The following PKNOX2 variants were observed in gnomAD, a reference collection of about 807,000 sequenced individuals.
PKNOX2 encodes homeobox protein PKNOX2.
Under a neutral mutation model 53.1 loss-of-function variants are expected in PKNOX2, and 14 were observed. The ratio of observed to expected loss-of-function variants is 0.26; its 90% CI spans 0.17 to 0.41. PKNOX2 has a LOEUF of 0.41. Among genes scored for constraint, PKNOX2 ranks in the 10% least tolerant of loss-of-function variants. The probability of loss-of-function intolerance (pLI) is 1.00; values close to 1 mark genes in which losing one functional copy is unlikely to be tolerated. For synonymous variants in PKNOX2, 257 were observed against 242.8 expected (o/e 1.06, Z -0.54); for missense variants, 496 against 602.8 (o/e 0.82, Z 1.85).
At chr11:125,255,768 C>T (rs896417078) in intron 2 of PKNOX2, among the ~76,000 whole-genome samples, 4 of 152,022 alleles carry the variant, frequency 2.6e-5, no homozygotes, top group Non-Finnish European at 5.9e-5. Context: ...GTCGCCCTGC[C>T]AAATGAGCAG....
chr11:125,388,454 A>G (rs1313464926), intron 6 of PKNOX2, among the ~76,000 whole-genome samples: 1 of 152,144 alleles, frequency 6.6e-6, no homozygotes, highest in Non-Finnish European at 1.5e-5. Context: ...ATGAGCTGAG[A>G]TAATTGAGAG....
intron 5 of PKNOX2, among the ~76,000 whole-genome samples, chr11:125,382,399 C>T (rs924314502): frequency 2.0e-5 from 3 of 152,232 alleles, no homozygotes; most frequent in Admixed American, 6.5e-5. Context: ...GTGCGGTGAC[C>T]GCAGCTGCCA....
chr11:125,194,259 A>G (rs1230093107), intron 1 of PKNOX2, among the ~76,000 whole-genome samples: 4 of 152,122 alleles, frequency 2.6e-5, no homozygotes, highest in African/African-American at 9.7e-5. Flanking sequence ...CCTTGCTAAG[A>G]GCAGTTGGCA....
chr11:125,266,642 C>T (rs569688826), intron 2 of PKNOX2: 1 of 152,372 alleles, frequency 6.6e-6, no homozygotes, highest in African/African-American at 2.4e-5. Flanking sequence ...CTCCTTACCT[C>T]CTCGTTCCTG....
At chr11:125,296,517 A>T (rs1284479846) in intron 2 of PKNOX2, among the ~76,000 whole-genome samples, 2 of 152,094 alleles carry the variant, frequency 1.3e-5, no homozygotes, top group Non-Finnish European at 2.9e-5. Context: ...ACTACCTTAC[A>T]TGAAAGAGTG....
chr11:125,221,879 C>T (rs1941187723), intron 1 of PKNOX2, among the ~76,000 whole-genome samples: 1 of 152,186 alleles, frequency 6.6e-6, no homozygotes, highest in Admixed American at 6.5e-5. Context: ...AGTGCCATGA[C>T]CTACAGCCCA....
chr11:125,342,946 C>T (rs909760036), intron 3 of PKNOX2, among the ~76,000 whole-genome samples: 1 of 152,104 alleles, frequency 6.6e-6, no homozygotes. Context: ...TGGGCCTCCC[C>T]ACCTCTCCCA....
At chr11:125,360,407 G>C (rs1415535694) in intron 4 of PKNOX2, among the ~76,000 whole-genome samples, 2 of 152,190 alleles carry the variant, frequency 1.3e-5, no homozygotes, top group East Asian at 3.9e-4. Context: ...CGGGGCATCT[G>C]CTGCTTGCAA....
chr11:125,220,798 A>C (rs1207397568), intron 1 of PKNOX2, among the ~76,000 whole-genome samples: 1 of 152,198 alleles, frequency 6.6e-6, no homozygotes, highest in East Asian at 1.9e-4. Flanking sequence ...CTGTAGCACT[A>C]GGGACAGGGT....
chr11:125,272,837 G>A (rs1420537210), intron 2 of PKNOX2, among the ~76,000 whole-genome samples: 1 of 152,158 alleles, frequency 6.6e-6, no homozygotes, highest in Non-Finnish European at 1.5e-5. Context: ...TTCCAGAAGC[G>A]AGAGAATTGA....
At chr11:125,183,001 C>T (rs1334391017) in intron 1 of PKNOX2, among the ~76,000 whole-genome samples, 2 of 152,118 alleles carry the variant, frequency 1.3e-5, no homozygotes, top group Non-Finnish European at 2.9e-5. Flanking sequence ...CGTGGAGAGC[C>T]TCTGGTTTAA....
intron 5 of PKNOX2, among the ~76,000 whole-genome samples, chr11:125,380,228 G>A (rs1176692690): frequency 1.3e-5 from 2 of 152,210 alleles, no homozygotes; most frequent in African/African-American, 4.8e-5. Flanking sequence ...TTATTAGTCT[G>A]TGTCAAATCC....
At chr11:125,417,784 G>A (rs1013843623) in intron 10 of PKNOX2, among the ~76,000 whole-genome samples, 2 of 151,992 alleles carry the variant, frequency 1.3e-5, no homozygotes, top group Non-Finnish European at 2.9e-5. Flanking sequence ...ACCTCACAGC[G>A]ATGCTGCCTT....
intron 2 of PKNOX2, among the ~76,000 whole-genome samples, chr11:125,256,037 G>A (rs941446757): frequency 1.3e-5 from 2 of 151,916 alleles, no homozygotes; most frequent in Admixed American, 6.6e-5. Flanking sequence ...GATGCTCCTC[G>A]GCCCTGAGTT....
chr11:125,295,417 CGTGT>C (rs375238827), intron 2 of PKNOX2, among the ~76,000 whole-genome samples: 1 of 152,138 alleles, frequency 6.6e-6, no homozygotes, highest in Admixed American at 6.5e-5. Flanking sequence ...TATGTACACA[CGTGT>C]GTGTGTGCAT....
intron 1 of PKNOX2, among the ~76,000 whole-genome samples, chr11:125,179,400 G>A (rs750607778): frequency 6.6e-6 from 1 of 152,238 alleles, no homozygotes; most frequent in African/African-American, 2.4e-5. Flanking sequence ...AGAGAGCAGG[G>A]CAGGGCCTCC....
intron 1 of PKNOX2, among the ~76,000 whole-genome samples, chr11:125,228,208 A>G (rs1941882988): frequency 6.6e-6 from 1 of 152,270 alleles, no homozygotes; most frequent in Admixed American, 6.5e-5. Context: ...TATGACAGCC[A>G]CTAGCTACAT....
At chr11:125,216,115 T>G (rs1275598978) in intron 1 of PKNOX2, among the ~76,000 whole-genome samples, 1 of 152,234 alleles carries the variant, frequency 6.6e-6, no homozygotes, top group Non-Finnish European at 1.5e-5. Context: ...GTTTTTACAT[T>G]AAACAACGAT....
intron 4 of PKNOX2, among the ~76,000 whole-genome samples, chr11:125,358,250 A>G (rs1259786364): frequency 1.3e-5 from 2 of 152,214 alleles, no homozygotes; most frequent in Non-Finnish European, 2.9e-5. Context: ...ACACCCCCTT[A>G]CACACACGCA....
Sources: gnomAD v4.1 joint callset for allele counts (sites outside exome capture counted in the v4.1 genomes callset) on GRCh38, gnomAD v4.1.1 for gene constraint, MANE v1.5 for transcripts, NCBI Gene and HGNC (gene_info 2026-07-23, HGNC 2026-07-21) for gene names.